SLC10A7: variants seen among roughly 807,000 people sequenced by gnomAD.
SLC10A7 encodes sodium/bile acid cotransporter 7.
A neutral mutation model predicts 43.2 loss-of-function variants in SLC10A7; 29 were observed. The ratio of observed to expected loss-of-function variants is 0.67; its 90% CI spans 0.50 to 0.92. SLC10A7 has a LOEUF of 0.92. SLC10A7 is among the 40% of genes least tolerant of loss of function. The pLI is 0.00. For missense variants in SLC10A7, 295 were observed against 403.2 expected, an observed-to-expected ratio of 0.73 and a Z score of 2.30; for synonymous variants, 152 against 144.8, an observed-to-expected ratio of 1.05 and a Z score of -0.35.
In SLC10A7 at chr4:146,385,640, C is replaced by T. The variant is rs1447209817; in HGVS notation, c.435+57143G>A. Among the ~76,000 whole-genome samples the T allele has an allele frequency of 3.3e-5, 5 of 152,088 alleles. 1 individual carries two copies. ...ATTTTAGATGCAAGGGGTACACATG[C>T]AGGTTTGTTACCTGGGTATACTGCA... On this transcript the variant is annotated intron_variant, in intron 5 of 11. Coordinates refer to ENST00000335472, the MANE Select transcript of SLC10A7 (RefSeq NM_001029998.6).
intron 10 of SLC10A7, among the ~76,000 whole-genome samples, chr4:146,271,928 C>A (rs1033463138): frequency 3.3e-5 from 5 of 152,166 alleles, no homozygotes; most frequent in African/African-American, 1.2e-4. Flanking sequence ...AGGCTGAAAC[C>A]TTCTCATCTC....
At chr4:146,410,302 C>T (rs1728096951) in intron 5 of SLC10A7, among the ~76,000 whole-genome samples, 1 of 152,118 alleles carries the variant, frequency 6.6e-6, no homozygotes, top group Admixed American at 6.6e-5. Flanking sequence ...AAACTCTTCC[C>T]CAAATCTCAA....
At chr4:146,374,343 C>A (rs1046571267) in intron 5 of SLC10A7, among the ~76,000 whole-genome samples, 1 of 152,038 alleles carries the variant, frequency 6.6e-6, no homozygotes, top group Non-Finnish European at 1.5e-5. Flanking sequence ...AATCCTAGCA[C>A]TTTGGGAGGC....
rs536223415 is a variant in SLC10A7 at position 146,265,094 on chromosome 4, C to T, written c.848-6257G>A. ...CAGTAAAAAACAATCATTACTACCA[C>T]TATTATGTAAGCACTACTGGATGCT... is the stretch of plus-strand genomic sequence containing the variant. On this transcript the variant is annotated intron_variant, in intron 10 of 11. Transcript: ENST00000335472. 6.6e-5 allele frequency among the ~76,000 whole-genome samples: 10 copies of T among 152,340 alleles called. No individual in the cohort carries two copies. The East Asian group carries it at 1.3e-3, about 21-fold the overall frequency.
chr4:146,407,932 T>A (rs575820742), intron 5 of SLC10A7, among the ~76,000 whole-genome samples: 25 of 152,262 alleles, frequency 1.6e-4, no homozygotes, highest in Middle Eastern at 3.4e-3. Flanking sequence ...CAACAAATGT[T>A]ATCATTTCCT....
chr4:146,460,608 T>C (rs924329115), intron 4 of SLC10A7, among the ~76,000 whole-genome samples: 2 of 151,960 alleles, frequency 1.3e-5, no homozygotes, highest in African/African-American at 4.8e-5. Context: ...ATGATTCCAC[T>C]GATAGGCTAT....
At chr4:146,506,578 A>G (rs1296148507) in intron 3 of SLC10A7, among the ~76,000 whole-genome samples, 1 of 152,050 alleles carries the variant, frequency 6.6e-6, no homozygotes, top group Non-Finnish European at 1.5e-5. Flanking sequence ...AGTAACCTTA[A>G]AGTAACCAGT....
At chr4:146,278,519 A>G (rs1278760736) in intron 10 of SLC10A7, among the ~76,000 whole-genome samples, 1 of 152,188 alleles carries the variant, frequency 6.6e-6, no homozygotes, top group East Asian at 1.9e-4. Flanking sequence ...TTTTAAGATT[A>G]TGTTTCTCCT....
intron 5 of SLC10A7, among the ~76,000 whole-genome samples, chr4:146,326,221 GC>G (rs1173970865): frequency 6.6e-6 from 1 of 152,164 alleles, no homozygotes; most frequent in Non-Finnish European, 1.5e-5. Flanking sequence ...CCACCAATCT[GC>G]CTTAGGTTCA....
chr4:146,448,701 A>G lies in SLC10A7; in HGVS notation c.397-5880T>C, dbSNP rs1731324290. ...ACATAGAAATGTTTACCAAAATGTA[A>G]AAACGGGATATTTATGGTTATCTCA... On this transcript the variant is annotated intron_variant, in intron 4 of 11. Transcript: ENST00000335472. Among the ~76,000 whole-genome samples, 2 of 152,200 alleles carry G rather than the reference A, an allele frequency of 1.3e-5. 1 individual carries two copies. Among genetic ancestry groups the G allele is most frequent in the African/African-American group, 4.8e-5 (2 of 41,448 alleles).
At chr4:146,323,938 C>G (rs1170253407) in intron 6 of SLC10A7, among the ~76,000 whole-genome samples, 1 of 152,132 alleles carries the variant, frequency 6.6e-6, no homozygotes, top group Non-Finnish European at 1.5e-5. Flanking sequence ...CATCTGAGCC[C>G]AAAATCTCCT....
chr4:146,298,653 C>T (rs1730945109), intron 7 of SLC10A7, among the ~76,000 whole-genome samples: 1 of 152,206 alleles, frequency 6.6e-6, no homozygotes, highest in East Asian at 1.9e-4. Context: ...AAATATAATG[C>T]ACAAAATAAG....
chr4:146,436,027 G>C (rs1443058694), intron 5 of SLC10A7, among the ~76,000 whole-genome samples: 1 of 151,552 alleles, frequency 6.6e-6, no homozygotes, highest in East Asian at 1.9e-4. Flanking sequence ...TTCTTTAAAT[G>C]GTAATGAAAT....
At chr4:146,506,945 T>G (rs940848093) in intron 3 of SLC10A7, among the ~76,000 whole-genome samples, 1 of 152,228 alleles carries the variant, frequency 6.6e-6, no homozygotes, top group African/African-American at 2.4e-5. Flanking sequence ...TTTTCCAAAT[T>G]TATTGAGGTA....
intron 5 of SLC10A7, among the ~76,000 whole-genome samples, chr4:146,410,172 T>C (rs1406633555): frequency 1.3e-5 from 2 of 152,198 alleles, no homozygotes; most frequent in African/African-American, 4.8e-5. Flanking sequence ...ATAAGTTAGA[T>C]GATTTGTCTA....
chr4:146,379,003 G>T (rs1317121780), intron 5 of SLC10A7, among the ~76,000 whole-genome samples: 2 of 152,120 alleles, frequency 1.3e-5, no homozygotes, highest in African/African-American at 4.8e-5. Context: ...GCCTTTCAGG[G>T]TATTGACCCA....
At chr4:146,270,704 G>A (rs1280460105) in intron 10 of SLC10A7, among the ~76,000 whole-genome samples, 1 of 152,146 alleles carries the variant, frequency 6.6e-6, no homozygotes, top group Non-Finnish European at 1.5e-5. Flanking sequence ...TTCAGCCATG[G>A]TGCACCAGCT....
intron 4 of SLC10A7, among the ~76,000 whole-genome samples, chr4:146,486,313 G>C (rs1294399802): frequency 1.3e-5 from 2 of 152,082 alleles, no homozygotes; most frequent in African/African-American, 4.8e-5. Flanking sequence ...ATAACATAAT[G>C]TTATTTCAAA....
At chr4:146,295,399 C>T (rs917467605) in intron 7 of SLC10A7, among the ~76,000 whole-genome samples, 2 of 152,030 alleles carry the variant, frequency 1.3e-5, no homozygotes, top group South Asian at 2.1e-4. Flanking sequence ...AAAGCCGCAC[C>T]TGGATTTACA....
Sources: allele counts gnomAD v4.1 joint callset (sites outside exome capture counted in the v4.1 genomes callset), GRCh38; gene constraint gnomAD v4.1.1; transcripts MANE v1.5; gene names NCBI Gene and HGNC (gene_info 2026-07-23, HGNC 2026-07-21).